The following PTGER4 variants were observed in gnomAD, a reference collection of about 807,000 sequenced individuals.
PTGER4 encodes prostaglandin E2 receptor EP4 subtype.
PTGER4 carries 11 observed loss-of-function variants against 33.2 expected under a neutral mutation model. The observed-to-expected ratio is 0.33, with a 90% CI of 0.21 to 0.55. The LOEUF (loss-of-function observed/expected upper bound fraction) is 0.55. Among genes scored for constraint, PTGER4 ranks in the 20% least tolerant of loss-of-function variants. The probability of loss-of-function intolerance (pLI) is 0.92; values close to 1 mark genes in which losing one functional copy is unlikely to be tolerated. For missense variants in PTGER4, 481 were observed against 650.2 expected (o/e 0.74, Z 2.83); for synonymous variants, 275 against 281.5 (o/e 0.98, Z 0.23).
the PTGER4 span, among the ~76,000 whole-genome samples, chr5:40,731,103 A>G: frequency 6.6e-6 from 1 of 152,192 alleles, no homozygotes; most frequent in Non-Finnish European, 1.5e-5. Flanking sequence ...ATGTGACAGG[A>G]AAAACTTTGG....
chr5:40,726,874 T>C, the PTGER4 span, among the ~76,000 whole-genome samples: 1,798 of 152,256 alleles, frequency 0.012, 16 homozygotes, highest in Middle Eastern at 0.021. Context: ...CTTCCCCTGT[T>C]AATGTTAGAA....
the PTGER4 span, among the ~76,000 whole-genome samples, chr5:40,706,015 A>C: frequency 6.6e-6 from 1 of 152,166 alleles, no homozygotes; most frequent in South Asian, 2.1e-4. Flanking sequence ...CTACCATAAA[A>C]ACACATGCAT....
downstream of PTGER4, among the ~76,000 whole-genome samples, chr5:40,697,184 TAAGA>T (rs200349910): frequency 0.017 from 1,258 of 72,502 alleles, 20 homozygotes; most frequent in African/African-American, 0.067. Flanking sequence ...GAAGAAAAAT[TAAGA>T]AAGAAAGAAA....
At chr5:40,711,958 G>A in the PTGER4 span, among the ~76,000 whole-genome samples, 1 of 152,074 alleles carries the variant, frequency 6.6e-6, no homozygotes, top group African/African-American at 2.4e-5. Context: ...GAACTTTTTG[G>A]GTGATGGACA....
chr5:40,741,348 A>G, the PTGER4 span, among the ~76,000 whole-genome samples: 1 of 152,174 alleles, frequency 6.6e-6, no homozygotes, highest in Admixed American at 6.5e-5. Flanking sequence ...TCTGGTGACC[A>G]TCAAAGACAC....
the PTGER4 span, among the ~76,000 whole-genome samples, chr5:40,723,512 TAAAA>T: frequency 1.5e-3 from 221 of 143,680 alleles, no homozygotes; most frequent in Admixed American, 2.0e-3. Flanking sequence ...TAACTCAAAT[TAAAA>T]AAAAAAAAAA....
Position 40,693,151 on chromosome 5 carries a change from T to G in PTGER4, c.*773T>G. The G allele has an allele frequency of 5.2e-6, 5 of 961,478 alleles. No individual in the cohort carries two copies. The highest frequency in any genetic ancestry group is 6.2e-6 in the Non-Finnish European group (5 of 807,788). The allele number at this position is 961,478 out of a possible 1,614,324, so 59.6% of individuals were successfully genotyped here. On this transcript the variant is annotated 3_prime_UTR_variant, in exon 3 of 3. Coordinates refer to ENST00000302472, the MANE Select transcript of PTGER4 (RefSeq NM_000958.3). ...TATAAAATACATAGTGAAAATTGTTTAGTGATATTACATTTATTTATCCAG... is the reference window on the plus strand; with the variant it reads ...TATAAAATACATAGTGAAAATTGTTGAGTGATATTACATTTATTTATCCAG...
the PTGER4 span, among the ~76,000 whole-genome samples, chr5:40,701,888 A>C: frequency 4.1e-4 from 63 of 152,352 alleles, no homozygotes; most frequent in Non-Finnish European, 7.8e-4. Context: ...CAACATCATA[A>C]AGAAAAAAAT....
In PTGER4 at chr5:40,680,806, A is replaced by G; in HGVS notation, c.-43-145A>G. 1 of 703,350 alleles carries G rather than the reference A, an allele frequency of 1.4e-6. No homozygotes were observed. The highest frequency in any genetic ancestry group is 2.4e-6 in the Non-Finnish European group (1 of 425,094). The allele number at this position is 703,350 out of a possible 1,614,324, so 43.6% of individuals were successfully genotyped here. On this transcript the variant is annotated intron_variant, in intron 1 of 2. Coordinates refer to ENST00000302472, the MANE Select transcript of PTGER4 (RefSeq NM_000958.3). This position sits in a 1 kb window ranked among gnomAD's most constrained non-coding sequence, Gnocchi z 5.5. ...CGAGCCTGGAGATTTTGGTGGCCGC[A>G]GTTGGTAAGTGGCTACAATCCAGAA... is the stretch of plus-strand genomic sequence containing the variant.
chr5:40,729,651 A>T, the PTGER4 span, among the ~76,000 whole-genome samples: 1 of 152,188 alleles, frequency 6.6e-6, no homozygotes, highest in Non-Finnish European at 1.5e-5. Context: ...AGGAAAGCGT[A>T]TGTTTTTCAT....
intron 2 of PTGER4, among the ~76,000 whole-genome samples, chr5:40,690,758 A>C (rs1157012248): frequency 6.6e-6 from 1 of 152,218 alleles, no homozygotes; most frequent in Admixed American, 6.5e-5. Flanking sequence ...AATTATGTAA[A>C]ATGACAGCTG....
downstream of PTGER4, among the ~76,000 whole-genome samples, chr5:40,695,094 A>AGAT (rs10672218): frequency 0.3 from 45,179 of 151,962 alleles, 6,938 homozygotes; most frequent in East Asian, 0.55. Flanking sequence ...GTGTTAGAAA[A>AGAT]GATAGATTTG....
At chr5:40,716,232 C>T in the PTGER4 span, 2 of 1,614,080 alleles carry the variant, frequency 1.2e-6, no homozygotes, top group African/African-American at 1.3e-5. Flanking sequence ...CAGAAGCAGA[C>T]ACAATAACCA....
the PTGER4 span, among the ~76,000 whole-genome samples, chr5:40,730,887 C>T: frequency 6.6e-6 from 1 of 151,774 alleles, no homozygotes; most frequent in Non-Finnish European, 1.5e-5. Context: ...AATTTAACAC[C>T]CATTTCTGAT....
downstream of PTGER4, among the ~76,000 whole-genome samples, chr5:40,695,940 A>G (rs1554024445): frequency 6.6e-6 from 1 of 152,130 alleles, no homozygotes; most frequent in Non-Finnish European, 1.5e-5. Context: ...GAGGTGGGGG[A>G]GAGCAAGGGT....
chr5:40,718,147 T>G, the PTGER4 span, among the ~76,000 whole-genome samples: 3 of 152,142 alleles, frequency 2.0e-5, no homozygotes, highest in Non-Finnish European at 4.4e-5. Context: ...AGATACATGA[T>G]GGCTCACGCC....
chr5:40,719,143 C>T, the PTGER4 span, among the ~76,000 whole-genome samples: 1 of 152,236 alleles, frequency 6.6e-6, no homozygotes, highest in South Asian at 2.1e-4. Context: ...GTCACACAGC[C>T]ATCACCCATA....
At chr5:40,682,732 T>C (rs777198265) in intron 2 of PTGER4, among the ~76,000 whole-genome samples, 28 of 152,208 alleles carry the variant, frequency 1.8e-4, no homozygotes, top group Admixed American at 1.3e-4. Context: ...TGGCTGTCTT[T>C]GTTTCTTCAA....
chr5:40,716,129 T>C, the PTGER4 span: 1 of 1,563,378 alleles, frequency 6.4e-7, no homozygotes, highest in East Asian at 2.3e-5. Flanking sequence ...ATTCAAATAA[T>C]CCTATGCATA....
Sources: allele counts gnomAD v4.1 joint callset (sites outside exome capture counted in the v4.1 genomes callset), GRCh38; gene constraint gnomAD v4.1.1; non-coding constraint Gnocchi (gnomAD v3.1); transcripts MANE v1.5; gene names NCBI Gene and HGNC (gene_info 2026-07-23, HGNC 2026-07-21).